GFRA1: variants seen among roughly 807,000 people sequenced by gnomAD.
GFRA1 encodes the protein GDNF family receptor alpha-1.
In GFRA1, 16 loss-of-function variants were observed where a neutral mutation model predicts 51.6. The ratio of observed to expected loss-of-function variants is 0.31; its 90% confidence interval spans 0.21 to 0.47. The LOEUF is 0.47. GFRA1 is among the 20% of genes least tolerant of loss of function. The probability of loss-of-function intolerance (pLI) is 1.00; values close to 1 mark genes in which losing one functional copy is unlikely to be tolerated. For synonymous variants in GFRA1, 270 were observed against 241.3 expected (o/e 1.12, Z -1.10); for missense variants, 530 against 594.3 (o/e 0.89, Z 1.13).
chr10:116,151,533 A>G (rs2134138880), intron 5 of GFRA1, among the ~76,000 whole-genome samples: 1 of 152,268 alleles, frequency 6.6e-6, no homozygotes, highest in African/African-American at 2.4e-5. Flanking sequence ...GATAAAATGG[A>G]ATTTAAGGAG....
chr10:116,243,191 A>C (rs1967545339), intron 4 of GFRA1, among the ~76,000 whole-genome samples: 1 of 152,242 alleles, frequency 6.6e-6, no homozygotes, highest in African/African-American at 2.4e-5. Flanking sequence ...GAAGCAGAGA[A>C]TGCCACTAAC....
intron 9 of GFRA1, among the ~76,000 whole-genome samples, chr10:116,082,569 C>T (rs1448144126): frequency 6.6e-6 from 1 of 152,116 alleles, no homozygotes; most frequent in Non-Finnish European, 1.5e-5. Context: ...CAACCTCCGC[C>T]TCCCGGATTC....
At chr10:116,089,677 T>C (rs1382261657) in intron 9 of GFRA1, 64 bp downstream of exon 9, 1 of 1,346,156 alleles carries the variant, frequency 7.4e-7, no homozygotes, top group Non-Finnish European at 1.1e-6. Flanking sequence ...AAAATGGGTC[T>C]GCCCGTGTTT....
intron 4 of GFRA1, among the ~76,000 whole-genome samples, chr10:116,230,743 C>G (rs935972673): frequency 1.3e-5 from 2 of 150,880 alleles, no homozygotes; most frequent in Admixed American, 1.3e-4. Context: ...CACACACACA[C>G]AGACAATTTA....
rs1231664536 is a variant in GFRA1, at chr10:116,272,631, C to T, written c.-246-356G>A. The T allele has an allele frequency of 6.6e-6, 1 of 152,558 alleles. No individual in the cohort carries two copies. The highest frequency in any genetic ancestry group is 1.5e-5 in the Non-Finnish European group (1 of 68,370). The allele number at this position is 152,558 out of a possible 1,614,324, so 9.5% of individuals were successfully genotyped here. A position where few individuals can be genotyped will look rare whatever the true frequency, so the allele number is the denominator to read the frequency against. ...CCCTCGGTGGCGGCGGCGGCAGCTC[C>T]CTAGCCAGCCCTGGCGCCGAAAGAG... On this transcript the variant is annotated intron_variant, in intron 1 of 10. Coordinates refer to ENST00000355422, the MANE Select transcript of GFRA1 (RefSeq NM_005264.8). The surrounding 1 kb of genome is among the most constrained non-coding windows in gnomAD (Gnocchi z 4.4).
intron 6 of GFRA1, among the ~76,000 whole-genome samples, chr10:116,108,156 A>G (rs551715534): frequency 1.1e-4 from 16 of 152,326 alleles, no homozygotes; most frequent in Middle Eastern, 3.4e-3. Flanking sequence ...GAGATTCCCT[A>G]TTAATCTTTA....
intron 9 of GFRA1, among the ~76,000 whole-genome samples, chr10:116,077,899 G>A (rs963221911): frequency 6.6e-6 from 1 of 152,150 alleles, no homozygotes; most frequent in Non-Finnish European, 1.5e-5. Context: ...CTGCACAAGC[G>A]ACACTTAGTA....
At chr10:116,218,517 C>G (rs1965713134) in intron 4 of GFRA1, among the ~76,000 whole-genome samples, 1 of 152,186 alleles carries the variant, frequency 6.6e-6, no homozygotes, top group East Asian at 1.9e-4. Flanking sequence ...TCTGTATCTC[C>G]CGGAGCATGG....
chr10:116,180,338 T>C (rs367677387), intron 5 of GFRA1, among the ~76,000 whole-genome samples: 1 of 152,196 alleles, frequency 6.6e-6, no homozygotes, highest in South Asian at 2.1e-4. Context: ...ACTTATACTG[T>C]CCTCACAAAT....
At chr10:116,259,798 A>T (rs1001059932) in intron 4 of GFRA1, among the ~76,000 whole-genome samples, 8 of 152,238 alleles carry the variant, frequency 5.3e-5, no homozygotes, top group Non-Finnish European at 1.2e-4. Context: ...TCCAGGTATC[A>T]GCTGTGTGGC....
At chr10:116,155,597 G>C (rs538677299) in intron 5 of GFRA1, among the ~76,000 whole-genome samples, 1 of 152,100 alleles carries the variant, frequency 6.6e-6, no homozygotes, top group South Asian at 2.1e-4. Context: ...CAATTTTTCC[G>C]AGCACATTTT....
At position 116,147,749 on chromosome 10, in the gene GFRA1, A is replaced by G. The variant is rs115051062; in HGVS notation, c.434-22192T>C. ...GAACGGAGGTGAAAGCTCCTTTCCT[A>G]GAACTGGAGACAACAGAAGAGGCAG... On this transcript the variant is annotated intron_variant, in intron 5 of 10. Coordinates refer to ENST00000355422, the MANE Select transcript of GFRA1 (RefSeq NM_005264.8). 3.7e-3 allele frequency among the ~76,000 whole-genome samples: 565 copies of G among 152,196 alleles called. 2 individuals are homozygous for G. The highest frequency in any genetic ancestry group is 0.013 in the African/African-American group (549 of 41,522).
intron 4 of GFRA1, among the ~76,000 whole-genome samples, chr10:116,223,429 C>T (rs757944126): frequency 1.3e-5 from 2 of 152,188 alleles, no homozygotes; most frequent in Non-Finnish European, 2.9e-5. Context: ...AGAGCACAGG[C>T]CTTTCTGCCA....
At chr10:116,183,473 A>G (rs1962421817) in intron 5 of GFRA1, among the ~76,000 whole-genome samples, 1 of 152,204 alleles carries the variant, frequency 6.6e-6, no homozygotes, top group African/African-American at 2.4e-5. Flanking sequence ...AGAGCAAGTT[A>G]TGTGAATGTG....
chr10:116,125,140 A>G, intron 6 of GFRA1, 81 bp downstream of exon 6: 2 of 1,242,754 alleles, frequency 1.6e-6, no homozygotes, highest in Non-Finnish European at 2.4e-6. Context: ...AGAAGCACAG[A>G]AAAGGGAGCT....
chr10:116,226,768 G>C, intron 4 of GFRA1: 3 of 422,336 alleles, frequency 7.1e-6, no homozygotes, highest in Non-Finnish European at 1.4e-5. Flanking sequence ...TGGCAGCCCT[G>C]ACCTTGTTTT....
intron 7 of GFRA1, among the ~76,000 whole-genome samples, chr10:116,096,419 C>G (rs1253244762): frequency 2.0e-5 from 3 of 152,152 alleles, no homozygotes; most frequent in African/African-American, 7.2e-5. Flanking sequence ...AGCCTCCCCA[C>G]TCCTTAGTAA....
chr10:116,208,296 A>G (rs2694766), intron 5 of GFRA1, among the ~76,000 whole-genome samples: 94,605 of 151,762 alleles, frequency 0.62, 31,191 homozygotes, highest in African/African-American at 0.86. Flanking sequence ...TTCTTCATTC[A>G]TCCCTGTTTG....
chr10:116,097,554 C>T (rs1019418386), intron 6 of GFRA1, among the ~76,000 whole-genome samples: 3 of 152,154 alleles, frequency 2.0e-5, no homozygotes, highest in Non-Finnish European at 4.4e-5. Flanking sequence ...CGCTGGTCTG[C>T]GGAGAAGAGG....
Sources: gnomAD v4.1 joint callset for allele counts (sites outside exome capture counted in the v4.1 genomes callset) on GRCh38, gnomAD v4.1.1 for gene constraint, Gnocchi (gnomAD v3.1) non-coding constraint, MANE v1.5 for transcripts, NCBI Gene and HGNC (gene_info 2026-07-23, HGNC 2026-07-21) for gene names.